Variants in JAKMIP2 observed in about 807,000 individuals in gnomAD.
The protein encoded by JAKMIP2 is janus kinase and microtubule interacting protein 2.
Under a neutral mutation model 115.0 loss-of-function variants are expected in JAKMIP2, and 25 were observed. That is an observed-to-expected ratio of 0.22 (90% CI 0.16 to 0.30). The LOEUF (loss-of-function observed/expected upper bound fraction) is 0.30, where lower values mean the gene tolerates loss of function less well. Ranked by LOEUF, JAKMIP2 falls within the 10% of genes least tolerant of loss-of-function variation. The pLI is 1.00. For synonymous variants in JAKMIP2, 334 were observed against 343.6 expected (o/e 0.97, Z 0.31); for missense variants, 642 against 957.6 (o/e 0.67, Z 4.35).
intron 1 of JAKMIP2, among the ~76,000 whole-genome samples, chr5:147,675,394 TC>T (rs952510621): frequency 6.6e-6 from 1 of 152,018 alleles, no homozygotes; most frequent in African/African-American, 2.4e-5. Flanking sequence ...CAAACTCTTC[TC>T]CAGTTGTAAT....
intron 20 of JAKMIP2, among the ~76,000 whole-genome samples, chr5:147,605,281 C>CAAGTGCAGTGGCATGA (rs1300650603): frequency 6.9e-6 from 1 of 143,966 alleles, no homozygotes; most frequent in East Asian, 2.0e-4. Context: ...ATGATCTTGG[C>CAAGTGCAGTGGCATGA]TCACTGCAAG....
At chr5:147,595,423 A>G (rs1372811530) in intron 21 of JAKMIP2, 1 of 456,796 alleles carries the variant, frequency 2.2e-6, no homozygotes, top group Non-Finnish European at 4.4e-6. Flanking sequence ...CCTGTGACAC[A>G]GCTTTGCCCC....
chr5:147,612,453 A>T, intron 19 of JAKMIP2, 82 bp from the exon 20 acceptor site: 1 of 756,906 alleles, frequency 1.3e-6, no homozygotes, highest in Non-Finnish European at 2.2e-6. Flanking sequence ...GAAAACACGA[A>T]ACTTCCTATA....
At chr5:147,732,197 C>T (rs1209762864) in intron 1 of JAKMIP2, among the ~76,000 whole-genome samples, 2 of 152,126 alleles carry the variant, frequency 1.3e-5, no homozygotes. Flanking sequence ...TTTAGGTTTC[C>T]AGTCTATGTT....
chr5:147,718,825 G>C (rs1041464876), intron 1 of JAKMIP2, among the ~76,000 whole-genome samples: 14 of 151,408 alleles, frequency 9.2e-5, no homozygotes, highest in Admixed American at 7.2e-4. Flanking sequence ...TTTTTTGAAG[G>C]GTTTTTTGTG....
At chr5:147,603,679 G>A (rs1021826601) in intron 20 of JAKMIP2, among the ~76,000 whole-genome samples, 1 of 152,208 alleles carries the variant, frequency 6.6e-6, no homozygotes, top group African/African-American at 2.4e-5. Context: ...GCTACCATAT[G>A]TGAAATATGC....
intron 3 of JAKMIP2, among the ~76,000 whole-genome samples, chr5:147,658,159 T>C (rs1420472022): frequency 6.6e-6 from 1 of 152,222 alleles, no homozygotes; most frequent in African/African-American, 2.4e-5. Flanking sequence ...TTGAGGCTGA[T>C]GACCTTTGGA....
chr5:147,656,537 G>C (rs1370790236), intron 3 of JAKMIP2, among the ~76,000 whole-genome samples: 3 of 151,974 alleles, frequency 2.0e-5, no homozygotes, highest in African/African-American at 7.3e-5. Context: ...CCATTTGCTT[G>C]GCAAATTTTC....
intron 1 of JAKMIP2, among the ~76,000 whole-genome samples, chr5:147,719,869 G>T (rs1186527588): frequency 6.6e-6 from 1 of 152,062 alleles, no homozygotes; most frequent in Non-Finnish European, 1.5e-5. Context: ...ATATTGTTAT[G>T]TGTGAATTTG....
intron 1 of JAKMIP2, among the ~76,000 whole-genome samples, chr5:147,743,975 C>G (rs74532830): frequency 0.12 from 18,077 of 147,190 alleles, 1,234 homozygotes; most frequent in Middle Eastern, 0.16. Flanking sequence ...CTCCTTCTCC[C>G]TCCCTTCCTT....
Position 147,591,568 on chromosome 5 carries a change from C to CT in JAKMIP2, c.*138dup. 1 of 891,938 alleles carries CT rather than the reference C, an allele frequency of 1.1e-6. No individual in the cohort carries two copies. Among genetic ancestry groups the CT allele is most frequent in the Admixed American group, 2.1e-5 (1 of 47,930 alleles). 55.3% of individuals were successfully genotyped at this position (891,938 alleles called of 1,614,324 possible). ...GGCTTTAAAATACACAGTTGTAGTC[C>CT]TGGCTACAGGGTAGTTCTTAGCTTT... On this transcript the variant is annotated 3_prime_UTR_variant, in exon 22 of 22. Transcript: ENST00000616793.
chr5:147,713,005 G>A (rs749382337), intron 1 of JAKMIP2, among the ~76,000 whole-genome samples: 2 of 152,140 alleles, frequency 1.3e-5, no homozygotes, highest in African/African-American at 4.8e-5. Flanking sequence ...AGGGAAGGGA[G>A]GGAAGCAAAA....
At chr5:147,698,636 T>C (rs1007151758) in intron 1 of JAKMIP2, among the ~76,000 whole-genome samples, 7 of 152,140 alleles carry the variant, frequency 4.6e-5, no homozygotes, top group African/African-American at 1.7e-4. Context: ...CTGATGGTCT[T>C]ATTAGGGCTT....
intron 1 of JAKMIP2, among the ~76,000 whole-genome samples, chr5:147,689,095 G>A (rs13162740): frequency 0.091 from 13,845 of 152,242 alleles, 677 homozygotes; most frequent in Middle Eastern, 0.17. Context: ...ATGCCTGGGG[G>A]GGAAAGCGTG....
chr5:147,701,078 T>G (rs17107216), intron 1 of JAKMIP2, among the ~76,000 whole-genome samples: 37,974 of 151,916 alleles, frequency 0.25, 5,291 homozygotes, highest in East Asian at 0.5. Flanking sequence ...TAAAAAAAGC[T>G]GTAAGGTCAA....
At chr5:147,780,556 G>T (rs1755718601) in intron 1 of JAKMIP2, among the ~76,000 whole-genome samples, 1 of 152,124 alleles carries the variant, frequency 6.6e-6, no homozygotes, top group African/African-American at 2.4e-5. Flanking sequence ...TAACATACAA[G>T]CCCAGTACCT....
intron 16 of JAKMIP2, 118 bp downstream of exon 16, chr5:147,628,633 G>T: frequency 1.5e-6 from 1 of 652,194 alleles, no homozygotes; most frequent in Non-Finnish European, 2.6e-6. Context: ...AAAATAAAAT[G>T]TGTATTAGGT....
At chr5:147,623,414 C>T (rs191046443) in intron 17 of JAKMIP2, among the ~76,000 whole-genome samples, 1 of 151,932 alleles carries the variant, frequency 6.6e-6, no homozygotes, top group East Asian at 1.9e-4. Context: ...GGATATTTTC[C>T]AAAAACTAAC....
chr5:147,650,328 A>G lies in JAKMIP2; in HGVS notation c.837+10T>C. Reference sequence around the variant, plus strand: ...TTGTGCATTCTTAACTTCAACTAGAATGGACTTACAGGACTGCTGCAGTGT... The same window carrying G: ...TTGTGCATTCTTAACTTCAACTAGAGTGGACTTACAGGACTGCTGCAGTGT... On this transcript the variant is annotated intron_variant, in intron 4 of 21. Coordinates refer to ENST00000616793, the MANE Select transcript of JAKMIP2 (RefSeq NM_001270941.2). 6.4e-7 allele frequency: 1 copy of G among 1,567,740 alleles called. No individual in the cohort carries two copies. The highest frequency in any genetic ancestry group is 8.8e-7 in the Non-Finnish European group (1 of 1,137,724).
Sources: gnomAD v4.1 joint callset for allele counts (sites outside exome capture counted in the v4.1 genomes callset) on GRCh38, gnomAD v4.1.1 for gene constraint, MANE v1.5 for transcripts, NCBI Gene and HGNC (gene_info 2026-07-23, HGNC 2026-07-21) for gene names.